GABRB3: variants seen among roughly 807,000 people sequenced by gnomAD.
GABRB3 encodes the protein gamma-aminobutyric acid receptor subunit beta-3.
Under a neutral mutation model 52.1 loss-of-function variants are expected in GABRB3, and 14 were observed. That is an observed-to-expected ratio of 0.27 (90% CI 0.18 to 0.42). The LOEUF (loss-of-function observed/expected upper bound fraction) is 0.42, where lower values mean the gene tolerates loss of function less well. Ranked by LOEUF, GABRB3 falls within the 10% of genes least tolerant of loss-of-function variation. The pLI is 1.00. For missense variants in GABRB3, 307 were observed against 609.1 expected, an observed-to-expected ratio of 0.50 and a Z score of 5.22; for synonymous variants, 260 against 232.3, an observed-to-expected ratio of 1.12 and a Z score of -1.08.
At position 26,772,953 on chromosome 15, in the gene GABRB3, G is replaced by A. The variant is rs1333693263; in HGVS notation, c.10C>T (p.Leu4Phe). 2 of 1,468,364 alleles carry A rather than the reference G, an allele frequency of 1.4e-6. No homozygotes were observed. Among genetic ancestry groups the A allele is most frequent in the Non-Finnish European group, 1.8e-6 (2 of 1,106,606 alleles). 91.0% of individuals were successfully genotyped at this position (1,468,364 alleles called of 1,614,324 possible). Residue 4 changes from leucine (L) to phenylalanine (F), a missense_variant, in exon 1 of 9, where the codon CTT becomes TTT. By Grantham distance (22) the Leu-to-Phe change is conservative. Around this residue, in one of 6 missense-constraint regions of GABRB3, gnomAD observed 90 missense variants for 86.4 expected, o/e 1.04. Transcript: ENST00000311550. ...ATGCCGAAAAGCCTTCCTCCCGCAAGGCCCCACATCCCTCCGCCGCGCCCC... is the reference window on the plus strand; with the variant it reads ...ATGCCGAAAAGCCTTCCTCCCGCAAAGCCCCACATCCCTCCGCCGCGCCCC... MWG[L>F]AGGRLFGIFS... is the part of the protein sequence containing the mutation.
At chr15:26,554,929 C>T (rs185702178) in intron 8 of GABRB3, among the ~76,000 whole-genome samples, 5 of 152,206 alleles carry the variant, frequency 3.3e-5, no homozygotes, top group East Asian at 3.9e-4. Context: ...CCTGTAATCC[C>T]GGCACTTTGG....
At chr15:26,568,803 C>T (rs539686580) in intron 6 of GABRB3, among the ~76,000 whole-genome samples, 1 of 152,084 alleles carries the variant, frequency 6.6e-6, no homozygotes, top group Admixed American at 6.6e-5. Flanking sequence ...GCATGAGCCA[C>T]TGAGCCCGGC....
chr15:26,634,925 T>C (rs1207507537), intron 3 of GABRB3, among the ~76,000 whole-genome samples: 2 of 128,286 alleles, frequency 1.6e-5, no homozygotes, highest in African/African-American at 5.6e-5. Flanking sequence ...CTCCAAATAT[T>C]AGATAATCTC....
chr15:26,756,303 C>T (rs1229339678), intron 3 of GABRB3, among the ~76,000 whole-genome samples: 2 of 151,960 alleles, frequency 1.3e-5, no homozygotes, highest in East Asian at 1.9e-4. Flanking sequence ...GGCATGGTGG[C>T]TCACACCTGT....
At chr15:26,764,873 G>A (rs1428002615) in intron 3 of GABRB3, among the ~76,000 whole-genome samples, 11 of 152,160 alleles carry the variant, frequency 7.2e-5, no homozygotes, top group Admixed American at 6.5e-4. Context: ...GCTCACGCCT[G>A]TAATCCCAGC....
intron 3 of GABRB3, among the ~76,000 whole-genome samples, chr15:26,652,868 G>A (rs148629842): frequency 1.3e-5 from 2 of 152,342 alleles, no homozygotes; most frequent in Non-Finnish European, 2.9e-5. Context: ...AGGAAAGGGA[G>A]AGTCTGACAG....
At chr15:26,648,092 C>T (rs374968511) in intron 3 of GABRB3, among the ~76,000 whole-genome samples, 66 of 152,326 alleles carry the variant, frequency 4.3e-4, no homozygotes, top group African/African-American at 1.6e-3. Flanking sequence ...CATCCATCTG[C>T]AGAACTCTCC....
At position 26,584,035 on chromosome 15, in the gene GABRB3, C is replaced by A. The variant is rs560444429; in HGVS notation, c.462-621G>T. ...TCGTGATCCGCCTGCCTCGGCCTCC[C>A]AAAGTGCTGAGATTACAGGCGTGAG... On this transcript the variant is annotated intron_variant, in intron 4 of 8. Coordinates refer to ENST00000311550, the MANE Select transcript of GABRB3 (RefSeq NM_000814.6). Among the ~76,000 whole-genome samples, 6 of 152,306 alleles carry A rather than the reference C, an allele frequency of 3.9e-5. No individual in the cohort carries two copies. The South Asian group carries it at 6.2e-4, about 16-fold the overall frequency.
At chr15:26,587,622 A>T (rs1891042164) in intron 4 of GABRB3, among the ~76,000 whole-genome samples, 1 of 152,102 alleles carries the variant, frequency 6.6e-6, no homozygotes, top group African/African-American at 2.4e-5. Context: ...TCCAGGGAGC[A>T]GCTTCTCAAA....
intron 3 of GABRB3, among the ~76,000 whole-genome samples, chr15:26,668,081 TCA>T (rs1324717546): frequency 1.3e-5 from 2 of 151,898 alleles, no homozygotes; most frequent in Non-Finnish European, 2.9e-5. Context: ...CAGACAAGAG[TCA>T]GAGTCTCAGC....
rs1191451414 is a variant in GABRB3 at position 26,720,758 on chromosome 15, T to C, written c.240+51644A>G. On this transcript the variant is annotated intron_variant, in intron 3 of 8. Coordinates refer to ENST00000311550, the MANE Select transcript of GABRB3 (RefSeq NM_000814.6). ...TAGCTACTTCAAAAGGGAGGAAGAT[T>C]CCTCAAAAGGGAACCCGGAATCGAG... 2.0e-5 allele frequency among the ~76,000 whole-genome samples: 3 copies of C among 152,280 alleles called. No homozygotes were observed. The East Asian group carries it at 5.8e-4, about 29-fold the overall frequency.
intron 3 of GABRB3, among the ~76,000 whole-genome samples, chr15:26,627,579 T>C (rs1892754281): frequency 6.6e-6 from 1 of 151,888 alleles, no homozygotes; most frequent in Non-Finnish European, 1.5e-5. Context: ...CCCTCATGGA[T>C]GACTTTGAGG....
chr15:26,678,918 G>A (rs1220563377), intron 3 of GABRB3, among the ~76,000 whole-genome samples: 1 of 152,188 alleles, frequency 6.6e-6, no homozygotes, highest in Non-Finnish European at 1.5e-5. Context: ...CCCATGATAT[G>A]TTAGTGTGAG....
At chr15:26,662,008 A>G (rs1218643381) in intron 3 of GABRB3, among the ~76,000 whole-genome samples, 2 of 152,220 alleles carry the variant, frequency 1.3e-5, no homozygotes, top group East Asian at 1.9e-4. Context: ...TCAAATTAAA[A>G]TATAACCCAC....
intron 3 of GABRB3, among the ~76,000 whole-genome samples, chr15:26,661,188 C>T (rs1207008948): frequency 3.3e-5 from 5 of 152,138 alleles, no homozygotes; most frequent in Non-Finnish European, 7.4e-5. Flanking sequence ...GAAGGAGACT[C>T]ATGGTTCCTA....
chr15:26,679,379 G>A (rs1033589973), intron 3 of GABRB3, among the ~76,000 whole-genome samples: 6 of 151,956 alleles, frequency 3.9e-5, no homozygotes, highest in East Asian at 1.9e-4. Flanking sequence ...GGTGAGAATC[G>A]CACTCACCTG....
intron 8 of GABRB3, chr15:26,557,933 T>A (rs1189357578): frequency 6.6e-6 from 1 of 152,188 alleles, no homozygotes; most frequent in African/African-American, 2.4e-5. Flanking sequence ...CTCGTACCCA[T>A]AAAGGTATTT....
At chr15:26,654,437 C>T (rs1595510871) in intron 3 of GABRB3, among the ~76,000 whole-genome samples, 1 of 151,988 alleles carries the variant, frequency 6.6e-6, no homozygotes, top group Non-Finnish European at 1.5e-5. Flanking sequence ...TGAGCCACCG[C>T]ACCCAGCCAA....
intron 4 of GABRB3, among the ~76,000 whole-genome samples, chr15:26,620,156 T>C: frequency 6.6e-6 from 1 of 152,138 alleles, no homozygotes; most frequent in East Asian, 1.9e-4. Flanking sequence ...AAACATAAAA[T>C]GCTGAAAACT....
Sources: gnomAD v4.1 joint callset for allele counts (sites outside exome capture counted in the v4.1 genomes callset) on GRCh38, gnomAD v4.1.1 for gene constraint, gnomAD v4.1.1 regional missense constraint, MANE v1.5 for transcripts, NCBI Gene and HGNC (gene_info 2026-07-23, HGNC 2026-07-21) for gene names.